TBC1D22A: variants seen among roughly 807,000 people sequenced by gnomAD.
The protein encoded by TBC1D22A is TBC1 domain family member 22A, also known as putative GTPase activator.
TBC1D22A carries 38 observed loss-of-function variants against 60.2 expected under a neutral mutation model. The observed-to-expected ratio is 0.63, with a 90% CI of 0.49 to 0.83. TBC1D22A has a LOEUF of 0.83. TBC1D22A is among the 40% of genes least tolerant of loss of function. The pLI is 0.00. For missense variants in TBC1D22A, 628 were observed against 701.0 expected (o/e 0.90, Z 1.18); for synonymous variants, 302 against 281.7 (o/e 1.07, Z -0.72).
At chr22:46,903,623 G>T (rs1439947174) in intron 7 of TBC1D22A, among the ~76,000 whole-genome samples, 2 of 152,136 alleles carry the variant, frequency 1.3e-5, no homozygotes, top group African/African-American at 2.4e-5. Flanking sequence ...AGTCTGAGAG[G>T]CCCCCTCAAT....
intron 4 of TBC1D22A, among the ~76,000 whole-genome samples, chr22:46,869,824 A>G (rs1602239345): frequency 6.6e-6 from 1 of 152,250 alleles, no homozygotes; most frequent in East Asian, 1.9e-4. Context: ...TAAGAAAAAA[A>G]GACGCTTAAA....
At chr22:47,088,142 C>T (rs1395992394) in intron 11 of TBC1D22A, among the ~76,000 whole-genome samples, 1 of 151,866 alleles carries the variant, frequency 6.6e-6, no homozygotes, top group Admixed American at 6.6e-5. Context: ...GGATTCTGCC[C>T]TTTGAAAAAA....
chr22:46,987,942 T>G (rs1450014908), intron 9 of TBC1D22A, among the ~76,000 whole-genome samples: 1 of 152,248 alleles, frequency 6.6e-6, no homozygotes, highest in Non-Finnish European at 1.5e-5. Context: ...GCCCTGCCAC[T>G]GCTTTATCAA....
At chr22:47,153,648 G>A (rs1000277239) in intron 12 of TBC1D22A, among the ~76,000 whole-genome samples, 2 of 152,158 alleles carry the variant, frequency 1.3e-5, no homozygotes, top group African/African-American at 2.4e-5. Context: ...GGAGTGAGCC[G>A]GGAAGCAGGT....
At chr22:47,000,030 C>CA (rs2075260135) in intron 10 of TBC1D22A, among the ~76,000 whole-genome samples, 1 of 152,088 alleles carries the variant, frequency 6.6e-6, no homozygotes, top group South Asian at 2.1e-4. Flanking sequence ...ATCTCAAAAA[C>CA]AAAAACCAAG....
intron 4 of TBC1D22A, among the ~76,000 whole-genome samples, chr22:46,847,257 A>G (rs752944445): frequency 4.6e-5 from 7 of 152,218 alleles, no homozygotes; most frequent in East Asian, 1.9e-4. Context: ...GATTGCCACC[A>G]TGGGAGACCT....
intron 11 of TBC1D22A, among the ~76,000 whole-genome samples, chr22:47,055,478 T>C (rs1335507154): frequency 1.3e-5 from 2 of 152,164 alleles, no homozygotes; most frequent in African/African-American, 4.8e-5. Flanking sequence ...AGAGATCATA[T>C]TGAGAATTTT....
intron 4 of TBC1D22A, among the ~76,000 whole-genome samples, chr22:46,828,350 G>A (rs77584611): frequency 2.5e-4 from 38 of 152,376 alleles, no homozygotes; most frequent in Non-Finnish European, 5.0e-4. Context: ...CTTTGAAGCA[G>A]CCTGTTGTCC....
chr22:46,782,666 C>A (rs2083991016), intron 1 of TBC1D22A, among the ~76,000 whole-genome samples: 1 of 152,152 alleles, frequency 6.6e-6, no homozygotes, highest in African/African-American at 2.4e-5. Context: ...CCCTTGGCAA[C>A]CATGGGGCTG....
chr22:47,012,477 A>T (rs529772977), intron 10 of TBC1D22A, among the ~76,000 whole-genome samples: 1 of 152,232 alleles, frequency 6.6e-6, no homozygotes, highest in East Asian at 1.9e-4. Context: ...GGGCCCTCGG[A>T]ATCATGCCTC....
intron 12 of TBC1D22A, among the ~76,000 whole-genome samples, chr22:47,163,454 G>T (rs1358971055): frequency 6.6e-6 from 1 of 152,246 alleles, no homozygotes; most frequent in Non-Finnish European, 1.5e-5. Context: ...GGGCCTCCTG[G>T]AGCACAGGTG....
chr22:47,102,978 G>A (rs1207346946), intron 11 of TBC1D22A, among the ~76,000 whole-genome samples: 1 of 152,136 alleles, frequency 6.6e-6, no homozygotes, highest in African/African-American at 2.4e-5. Context: ...CATACCTGAA[G>A]GTTTTTGTTT....
intron 3 of TBC1D22A, among the ~76,000 whole-genome samples, chr22:46,794,814 AG>A (rs1177764920): frequency 2.6e-5 from 4 of 152,210 alleles, no homozygotes; most frequent in African/African-American, 4.8e-5. Flanking sequence ...GTTGGGAGGC[AG>A]GGGGTGAGGG....
At chr22:46,967,003 A>G (rs1369157187) in intron 8 of TBC1D22A, among the ~76,000 whole-genome samples, 3 of 152,062 alleles carry the variant, frequency 2.0e-5, no homozygotes, top group African/African-American at 2.4e-5. Context: ...TCGTCTAGCC[A>G]TGCTGAGGGC....
intron 4 of TBC1D22A, among the ~76,000 whole-genome samples, chr22:46,814,081 C>T (rs1240843329): frequency 6.6e-6 from 1 of 152,228 alleles, no homozygotes; most frequent in Non-Finnish European, 1.5e-5. Context: ...GCTGGCGTGG[C>T]AGGAGCACCA....
Position 47,173,809 on chromosome 22 carries a change from A to G in TBC1D22A, c.*183A>G, listed in dbSNP as rs1303569867. On this transcript the variant is annotated 3_prime_UTR_variant, in exon 13 of 13. Transcript: ENST00000337137. The stretch of plus-strand genomic sequence containing the variant: ...GTCTAGGGCTGACAAAGACAGGGAC[A>G]GCCTTTGTTTTCTGAGATACCAAAG... 2 of 998,672 alleles carry G rather than the reference A, an allele frequency of 2.0e-6. No homozygotes were observed. Among genetic ancestry groups the G allele is most frequent in the African/African-American group, 1.6e-5 (1 of 61,036 alleles). 61.9% of individuals were successfully genotyped at this position (998,672 alleles called of 1,614,324 possible).
intron 10 of TBC1D22A, among the ~76,000 whole-genome samples, chr22:47,029,754 C>G (rs1406629264): frequency 1.3e-5 from 2 of 152,264 alleles, no homozygotes; most frequent in African/African-American, 4.8e-5. Context: ...TGCTGCTCTT[C>G]CTTGAGCCCC....
At chr22:47,004,704 C>T (rs1018133934) in intron 10 of TBC1D22A, among the ~76,000 whole-genome samples, 1 of 146,698 alleles carries the variant, frequency 6.8e-6, no homozygotes, top group Non-Finnish European at 1.5e-5. Flanking sequence ...ACACATACCC[C>T]TCATACATAC....
At chr22:46,860,546 A>G (rs1399397855) in intron 4 of TBC1D22A, among the ~76,000 whole-genome samples, 1 of 126,312 alleles carries the variant, frequency 7.9e-6, no homozygotes, top group Non-Finnish European at 1.6e-5. Context: ...TCCTGGGACC[A>G]GAATCCTTTT....
Sources: gnomAD v4.1 joint callset for allele counts (sites outside exome capture counted in the v4.1 genomes callset) on GRCh38, gnomAD v4.1.1 for gene constraint, MANE v1.5 for transcripts, NCBI Gene and HGNC (gene_info 2026-07-23, HGNC 2026-07-21) for gene names.